The following PCDHGA5 variants were observed in gnomAD, a reference collection of about 807,000 sequenced individuals.
The protein encoded by PCDHGA5 is protocadherin gamma subfamily A, 5, also known as protocadherin gamma-A5.
PCDHGA5 carries 36 observed loss-of-function variants against 56.7 expected under a neutral mutation model. That is an observed-to-expected ratio of 0.64 (90% CI 0.49 to 0.84). The LOEUF (loss-of-function observed/expected upper bound fraction) is 0.84, where lower values mean the gene tolerates loss of function less well. Among genes scored for constraint, PCDHGA5 ranks in the 40% least tolerant of loss-of-function variants. PCDHGA5 has a pLI of 0.00. For missense variants in PCDHGA5, 1,305 were observed against 1,201.5 expected (o/e 1.09, Z -1.27); for synonymous variants, 563 against 520.2 (o/e 1.08, Z -1.12).
At chr5:141,371,602 G>A in intron 1 of PCDHGA5, 1 of 1,613,990 alleles carries the variant, frequency 6.2e-7, no homozygotes, top group East Asian at 2.2e-5. Context: ...AACACATACA[G>A]GTTGGTGACA....
intron 1 of PCDHGA5, chr5:141,378,927 G>C (rs2150134897): frequency 6.6e-6 from 1 of 152,318 alleles, no homozygotes; most frequent in Admixed American, 6.5e-5. Context: ...AAAGTAAGTT[G>C]ATGGCCCTGG....
At chr5:141,375,323 G>A in intron 1 of PCDHGA5, 1 of 1,613,814 alleles carries the variant, frequency 6.2e-7, no homozygotes, top group Non-Finnish European at 8.5e-7. Context: ...AGACCGGGAA[G>A]AGGTATTCTT....
intron 1 of PCDHGA5, among the ~76,000 whole-genome samples, chr5:141,435,357 T>C (rs749223776): frequency 6.6e-6 from 1 of 152,208 alleles, no homozygotes; most frequent in Non-Finnish European, 1.5e-5. Flanking sequence ...CATTTAAAAT[T>C]TTATCACTTA....
intron 2 of PCDHGA5, 99 bp downstream of exon 2, chr5:141,494,964 G>A (rs2099757882): frequency 1.3e-6 from 2 of 1,594,380 alleles, no homozygotes; most frequent in Non-Finnish European, 8.5e-7. Context: ...GCTACAGATG[G>A]CTTCTCCCTC....
intron 1 of PCDHGA5, among the ~76,000 whole-genome samples, chr5:141,437,411 T>C (rs1014219268): frequency 1.1e-4 from 17 of 152,222 alleles, no homozygotes; most frequent in African/African-American, 4.1e-4. Flanking sequence ...TCCAGAAGTA[T>C]TATGCTTTTT....
chr5:141,457,159 T>C (rs908257499), intron 1 of PCDHGA5, among the ~76,000 whole-genome samples: 5 of 152,212 alleles, frequency 3.3e-5, no homozygotes, highest in Non-Finnish European at 7.3e-5. Flanking sequence ...GGTGCTACCA[T>C]GGATAACCCT....
Position 141,432,039 on chromosome 5 carries a change from G to C in PCDHGA5, c.2422-62768G>C. ...AACATCACAGTGACCGCCACTGACC[G>C]GGGAACCCCGCCCCTATCCACGGAA... On this transcript the variant is annotated intron_variant, in intron 1 of 3. Transcript: ENST00000518069. This position sits in a 1 kb window ranked among gnomAD's most constrained non-coding sequence, Gnocchi z 6.0. 6.2e-7 allele frequency: 1 copy of C among 1,614,176 alleles called. No homozygotes were observed. Among genetic ancestry groups the C allele is most frequent in the Non-Finnish European group, 8.5e-7 (1 of 1,180,028 alleles).
chr5:141,466,344 T>G (rs1036472951), intron 1 of PCDHGA5, among the ~76,000 whole-genome samples: 5 of 152,106 alleles, frequency 3.3e-5, no homozygotes, highest in African/African-American at 4.8e-5. Flanking sequence ...ATAATTTTTT[T>G]GCAGCTAATC....
chr5:141,429,395 A>AAT (rs2097212201), intron 1 of PCDHGA5, among the ~76,000 whole-genome samples: 7 of 152,008 alleles, frequency 4.6e-5, no homozygotes, highest in African/African-American at 1.7e-4. Flanking sequence ...TTTAAAAAAA[A>AAT]TTGAGATTAA....
intron 1 of PCDHGA5, chr5:141,385,213 C>T (rs1481010729): frequency 1.7e-5 from 28 of 1,614,108 alleles, no homozygotes; most frequent in Non-Finnish European, 2.2e-5. Flanking sequence ...GATCTTCCCC[C>T]AGCCCAACTA....
At chr5:141,457,412 C>A (rs2098919309) in intron 1 of PCDHGA5, among the ~76,000 whole-genome samples, 1 of 152,188 alleles carries the variant, frequency 6.6e-6, no homozygotes. Flanking sequence ...TCACATTACC[C>A]ATCCCTTTTT....
intron 1 of PCDHGA5, chr5:141,420,367 T>C: frequency 7.3e-7 from 1 of 1,360,684 alleles, no homozygotes; most frequent in Non-Finnish European, 9.7e-7. Flanking sequence ...CTAGATAACT[T>C]CTTCATAGAG....
At chr5:141,419,298 A>G in intron 1 of PCDHGA5, 1 of 1,613,988 alleles carries the variant, frequency 6.2e-7, no homozygotes, top group Non-Finnish European at 8.5e-7. Context: ...TCTGACCCAG[A>G]CTTCGGGCTC....
chr5:141,451,582 T>C (rs1361047985), intron 1 of PCDHGA5, among the ~76,000 whole-genome samples: 1 of 152,012 alleles, frequency 6.6e-6, no homozygotes, highest in Non-Finnish European at 1.5e-5. Flanking sequence ...TAAACCTAAT[T>C]TTGAAAGTGA....
chr5:141,392,762 G>A lies in PCDHGA5; in HGVS notation c.2421+26011G>A, dbSNP rs1033759244. 8.8e-6 allele frequency: 13 copies of A among 1,478,030 alleles called. No individual in the cohort carries two copies. The African/African-American group carries it at 1.3e-4, about 14-fold the overall frequency. The allele number at this position is 1,478,030 out of a possible 1,614,324, so 91.6% of individuals were successfully genotyped here. ...ATAGCTGCGGCAAGAAACTAAATAA[G>A]ACCCATTTATGCACAGTGAAGATTC... On this transcript the variant is annotated intron_variant, in intron 1 of 3. Coordinates refer to ENST00000518069, the MANE Select transcript of PCDHGA5 (RefSeq NM_018918.3).
In PCDHGA5 at chr5:141,398,901, C is replaced by CACCA. The variant is rs763382637; in HGVS notation, c.2421+32151_2421+32154dup. ...GCCTTCGGGAAAACGTGCCACCAGG[C>CACCA]ACCACTGTGTTGCAAGTGTCAGCCA... On this transcript the variant is annotated intron_variant, in intron 1 of 3. Coordinates refer to ENST00000518069, the MANE Select transcript of PCDHGA5 (RefSeq NM_018918.3). 3.7e-6 allele frequency: 6 copies of CACCA among 1,613,954 alleles called. No homozygotes were observed. The South Asian group carries it at 6.6e-5, about 18-fold the overall frequency.
In PCDHGA5 at chr5:141,374,472, C is replaced by T. The variant is rs749966400; in HGVS notation, c.2421+7721C>T. The T allele has an allele frequency of 5.0e-6, 8 of 1,612,276 alleles. No individual in the cohort carries two copies. The South Asian group carries it at 7.7e-5, about 15-fold the overall frequency. ...GAAATAGTGGACATTAATGACAATA[C>T]ACCCCGATTCTTAAAGGAAGAATTG... On this transcript the variant is annotated intron_variant, in intron 1 of 3. Transcript: ENST00000518069.
intron 1 of PCDHGA5, chr5:141,383,593 G>C (rs893791654): frequency 5.6e-6 from 9 of 1,613,726 alleles, no homozygotes; most frequent in Admixed American, 1.7e-5. Flanking sequence ...CCAGGTGACA[G>C]TGGTGGATGT....
chr5:141,489,040 C>G lies in PCDHGA5; in HGVS notation c.2422-5767C>G. On this transcript the variant is annotated intron_variant, in intron 1 of 3. Coordinates refer to ENST00000518069, the MANE Select transcript of PCDHGA5 (RefSeq NM_018918.3). This position sits in a 1 kb window ranked among gnomAD's most constrained non-coding sequence, Gnocchi z 4.5. ...CCTCTCCTCCTCCAGCTCCCCAGCT[C>G]CACTCAAATTCAGCTCCCCTCCCCC... 1 of 479,752 alleles carries G rather than the reference C, an allele frequency of 2.1e-6. No homozygotes were observed. The highest frequency in any genetic ancestry group is 3.6e-6 in the Non-Finnish European group (1 of 274,204). 29.7% of individuals were successfully genotyped at this position (479,752 alleles called of 1,614,324 possible). A position where few individuals can be genotyped will look rare whatever the true frequency, so the allele number is the denominator to read the frequency against.
Sources: allele counts gnomAD v4.1 joint callset (sites outside exome capture counted in the v4.1 genomes callset), GRCh38; gene constraint gnomAD v4.1.1; non-coding constraint Gnocchi (gnomAD v3.1); transcripts MANE v1.5; gene names NCBI Gene and HGNC (gene_info 2026-07-23, HGNC 2026-07-21).